MMP24OS: variants seen among roughly 807,000 people sequenced by gnomAD.
MMP24OS encodes the protein MMP24 opposite strand.
chr20:35,277,793 G>GGCTGGA lies in MMP24OS; in HGVS notation c.136_137insTCCAGC (p.Gln45_Pro46insLeuGln), dbSNP rs2060724986. On this transcript the variant is annotated inframe_insertion, in exon 2 of 2. Coordinates refer to ENST00000456790, the MANE Select transcript of MMP24OS (RefSeq NM_001355003.2). ...CGGGCTGGGCTCGGGCTGGGGCTGG[G>GGCTGGA]GCTGGGGCTGGGGCTGGGGCTGGGG... The GGCTGGA allele has an allele frequency of 2.5e-6, 1 of 394,030 alleles. No individual in the cohort carries two copies. The highest frequency in any genetic ancestry group is 4.5e-6 in the Non-Finnish European group (1 of 223,412). 24.4% of individuals were successfully genotyped at this position (394,030 alleles called of 1,614,324 possible).
In MMP24OS at chr20:35,276,681, A is replaced by G. The variant is rs7280; in HGVS notation, c.*1033T>C. The G allele has an allele frequency of 0.55, 90,216 of 165,042 alleles. 28,032 individuals are homozygous for G. The highest frequency in any genetic ancestry group is 0.87 in the African/African-American group (36,683 of 42,152). 10.2% of individuals were successfully genotyped at this position (165,042 alleles called of 1,614,324 possible). A position where few individuals can be genotyped will look rare whatever the true frequency, so the allele number is the denominator to read the frequency against. On this transcript the variant is annotated 3_prime_UTR_variant, in exon 2 of 2. Coordinates refer to ENST00000456790, the MANE Select transcript of MMP24OS (RefSeq NM_001355003.2). ...ACCCCCGCCTCCCGCCAGGCTCCCCATTGGCTCCTGGCAGGCCAGCTGAGA... is the reference window on the plus strand; with the variant it reads ...ACCCCCGCCTCCCGCCAGGCTCCCCGTTGGCTCCTGGCAGGCCAGCTGAGA...
chr20:35,277,355 A>G lies in MMP24OS; in HGVS notation c.*359T>C. ...CAATACAGATATTAATAAAAGGCAGACGAAGTCAGGAGGTCAGCAACTTTG... is the reference window on the plus strand; with the variant it reads ...CAATACAGATATTAATAAAAGGCAGGCGAAGTCAGGAGGTCAGCAACTTTG... On this transcript the variant is annotated 3_prime_UTR_variant, in exon 2 of 2. Transcript: ENST00000456790. The G allele has an allele frequency of 7.7e-6, 2 of 258,874 alleles. No homozygotes were observed. The highest frequency in any genetic ancestry group is 1.5e-5 in the Non-Finnish European group (2 of 137,136). 16.0% of individuals were successfully genotyped at this position (258,874 alleles called of 1,614,324 possible).
chr20:35,278,054 C>T lies in MMP24OS; in HGVS notation c.-49G>A. On this transcript the variant is annotated 5_prime_UTR_variant, in exon 1 of 2. Transcript: ENST00000456790. ...GGTCTCCCGGAACCCACCTCGGCGT[C>T]GGGAGGAGCTGGCGCCGTGACGCCA... The T allele has an allele frequency of 2.6e-6, 1 of 388,278 alleles. No homozygotes were observed. The highest frequency in any genetic ancestry group is 4.6e-6 in the Non-Finnish European group (1 of 219,680). The allele number at this position is 388,278 out of a possible 1,614,324, so 24.1% of individuals were successfully genotyped here. A position where few individuals can be genotyped will look rare whatever the true frequency, so the allele number is the denominator to read the frequency against.
chr20:35,277,655 G>A lies in MMP24OS; in HGVS notation c.*59C>T, dbSNP rs975371308. On this transcript the variant is annotated 3_prime_UTR_variant, in exon 2 of 2. Transcript: ENST00000456790. ...GCAGGGACGTGGGGAGAGGAGACAA[G>A]GCAGGCAAGAACCACAGGGGACGGC... is the stretch of plus-strand genomic sequence containing the variant. 2.5e-6 allele frequency: 1 copy of A among 395,890 alleles called. No individual in the cohort carries two copies. Among genetic ancestry groups the A allele is most frequent in the African/African-American group, 2.1e-5 (1 of 48,516 alleles). The allele number at this position is 395,890 out of a possible 1,614,324, so 24.5% of individuals were successfully genotyped here.
In MMP24OS at chr20:35,277,849, C is replaced by A; in HGVS notation, c.81G>T (p.Ala27=). Residue 27 remains alanine (A), a synonymous_variant, in exon 2 of 2, where the codon GCG becomes GCT. Transcript: ENST00000456790. The stretch of plus-strand genomic sequence containing the variant: ...GCCGGGGCTGTTCCGGGCCCTCCGG[C>A]GCCGCAGGCTGGGGCTGGGGCTGGG... ...TQPQPQPQPA[A]PEGPEQPRHP... The A allele has an allele frequency of 2.6e-6, 1 of 389,418 alleles. No homozygotes were observed. The highest frequency in any genetic ancestry group is 6.4e-4 in the Middle Eastern group (1 of 1,560). The allele number at this position is 389,418 out of a possible 1,614,324, so 24.1% of individuals were successfully genotyped here.
Position 35,278,060 on chromosome 20 carries a change from G to A in MMP24OS, c.-55C>T. On this transcript the variant is annotated 5_prime_UTR_variant, in exon 1 of 2. Transcript: ENST00000456790. ...CCGGAACCCACCTCGGCGTCGGGAG[G>A]AGCTGGCGCCGTGACGCCACCACCG... is the stretch of plus-strand genomic sequence containing the variant. The A allele has an allele frequency of 5.1e-6, 2 of 388,966 alleles. No homozygotes were observed. The highest frequency in any genetic ancestry group is 9.1e-6 in the Non-Finnish European group (2 of 220,206). The allele number at this position is 388,966 out of a possible 1,614,324, so 24.1% of individuals were successfully genotyped here.
Position 35,277,879 on chromosome 20 carries a change from G to GGGCTGT in MMP24OS, c.50_51insACAGCC (p.Gln24_Pro25dup), listed in dbSNP as rs2060727144. The GGGCTGT allele has an allele frequency of 2.5e-6, 1 of 399,014 alleles. No individual in the cohort carries two copies. 24.7% of individuals were successfully genotyped at this position (399,014 alleles called of 1,614,324 possible). A position where few individuals can be genotyped will look rare whatever the true frequency, so the allele number is the denominator to read the frequency against. On this transcript the variant is annotated inframe_insertion, in exon 2 of 2. Coordinates refer to ENST00000456790, the MANE Select transcript of MMP24OS (RefSeq NM_001355003.2). ...CAGGCTGGGGCTGGGGCTGGGGCTG[G>GGGCTGT]GTTTGCGCAGGCTCCGGGGCGCCGC...
chr20:35,277,677 C>T lies in MMP24OS; in HGVS notation c.*37G>A, dbSNP rs1381193692. 1.5e-5 allele frequency: 6 copies of T among 391,584 alleles called. No homozygotes were observed. Among genetic ancestry groups the T allele is most frequent in the Non-Finnish European group, 2.7e-5 (6 of 221,596 alleles). 24.3% of individuals were successfully genotyped at this position (391,584 alleles called of 1,614,324 possible). On this transcript the variant is annotated 3_prime_UTR_variant, in exon 2 of 2. Coordinates refer to ENST00000456790, the MANE Select transcript of MMP24OS (RefSeq NM_001355003.2). ...CAAGGCAGGCAAGAACCACAGGGGA[C>T]GGCGGACAGACGGGCGACATCCTGC...
At position 35,276,531 on chromosome 20, in the gene MMP24OS, C is replaced by T; in HGVS notation, c.*1183G>A. The T allele has an allele frequency of 2.6e-6, 1 of 381,328 alleles. No homozygotes were observed. Among genetic ancestry groups the T allele is most frequent in the Middle Eastern group, 6.6e-4 (1 of 1,518 alleles). The allele number at this position is 381,328 out of a possible 1,614,324, so 23.6% of individuals were successfully genotyped here. A position where few individuals can be genotyped will look rare whatever the true frequency, so the allele number is the denominator to read the frequency against. On this transcript the variant is annotated 3_prime_UTR_variant, in exon 2 of 2. Coordinates refer to ENST00000456790, the MANE Select transcript of MMP24OS (RefSeq NM_001355003.2). ...GTCTTGTGTCCCCATCTGTGGACCC[C>T]TCTAGGGTCTGAGATGAGATGAGAA...
Position 35,277,635 on chromosome 20 carries a change from G to C in MMP24OS, c.*79C>G. On this transcript the variant is annotated 3_prime_UTR_variant, in exon 2 of 2. Coordinates refer to ENST00000456790, the MANE Select transcript of MMP24OS (RefSeq NM_001355003.2). ...TGGGAGGGGGTGTAAGAGACGCAGG[G>C]ACGTGGGGAGAGGAGACAAGGCAGG... is the stretch of plus-strand genomic sequence containing the variant. 2.5e-6 allele frequency: 1 copy of C among 394,200 alleles called. No homozygotes were observed. The highest frequency in any genetic ancestry group is 4.5e-6 in the Non-Finnish European group (1 of 223,086). The allele number at this position is 394,200 out of a possible 1,614,324, so 24.4% of individuals were successfully genotyped here.
In MMP24OS at chr20:35,277,948, C is replaced by G. The variant is rs1408327616; in HGVS notation, c.-3-16G>C. 1 of 392,854 alleles carries G rather than the reference C, an allele frequency of 2.5e-6. No individual in the cohort carries two copies. The highest frequency in any genetic ancestry group is 3.6e-5 in the East Asian group (1 of 27,962). The allele number at this position is 392,854 out of a possible 1,614,324, so 24.3% of individuals were successfully genotyped here. Reference sequence around the variant, plus strand: ...CCCCCATGGTCTGCAAGAAGAGAAGCCCTTTAAGGTCTGGGTCGCCGGGAC... The same window carrying G: ...CCCCCATGGTCTGCAAGAAGAGAAGGCCTTTAAGGTCTGGGTCGCCGGGAC... On this transcript the variant is annotated splice_polypyrimidine_tract_variant and intron_variant, in intron 1 of 1. Transcript: ENST00000456790.
In MMP24OS at chr20:35,276,892, C is replaced by A. The variant is rs2060712111; in HGVS notation, c.*822G>T. ...CTGGGGGCCCCAGAGCCTAGCTTCC[C>A]CTCAGCCTGGGGGACATCACAGCAT... On this transcript the variant is annotated 3_prime_UTR_variant, in exon 2 of 2. Coordinates refer to ENST00000456790, the MANE Select transcript of MMP24OS (RefSeq NM_001355003.2). The A allele has an allele frequency of 6.5e-6, 1 of 152,844 alleles. No homozygotes were observed. The highest frequency in any genetic ancestry group is 2.4e-5 in the African/African-American group (1 of 41,480). 9.5% of individuals were successfully genotyped at this position (152,844 alleles called of 1,614,324 possible). A position where few individuals can be genotyped will look rare whatever the true frequency, so the allele number is the denominator to read the frequency against.
rs2060724530 is a variant in MMP24OS at position 35,277,784 on chromosome 20, T to TCGGGCTGGGGCA, written c.145_146insTGCCCCAGCCCG (p.Gln49delinsLeuProGlnProGlu). On this transcript the variant is annotated protein_altering_variant, in exon 2 of 2. Transcript: ENST00000456790. ...CGGCCCCCACGGGCTGGGCTCGGGC[T>TCGGGCTGGGGCA]GGGGCTGGGGCTGGGGCTGGGGCTG... is the stretch of plus-strand genomic sequence containing the variant. 1 of 90,110 alleles carries TCGGGCTGGGGCA rather than the reference T, an allele frequency of 1.1e-5. No individual in the cohort carries two copies. 5.6% of individuals were successfully genotyped at this position (90,110 alleles called of 1,614,324 possible).
At position 35,277,533 on chromosome 20, in the gene MMP24OS, A is replaced by T; in HGVS notation, c.*181T>A. 1 of 388,424 alleles carries T rather than the reference A, an allele frequency of 2.6e-6. No homozygotes were observed. The highest frequency in any genetic ancestry group is 4.5e-6 in the Non-Finnish European group (1 of 220,072). 24.1% of individuals were successfully genotyped at this position (388,424 alleles called of 1,614,324 possible). A position where few individuals can be genotyped will look rare whatever the true frequency, so the allele number is the denominator to read the frequency against. On this transcript the variant is annotated 3_prime_UTR_variant, in exon 2 of 2. Coordinates refer to ENST00000456790, the MANE Select transcript of MMP24OS (RefSeq NM_001355003.2). ...GAAGCAGGCTGGGGTGTAGACTGCG[A>T]AGGCGGCCCTGCCGGGACTTCTTTC... is the stretch of plus-strand genomic sequence containing the variant.
At position 35,276,374 on chromosome 20, in the gene MMP24OS, T is replaced by G. The variant is rs930332358; in HGVS notation, c.*1340A>C. ...GTGTTTTATACTTTGCAAAGCACTT[T>G]ATTAGCTCACACCTGTCCACTCACA... On this transcript the variant is annotated 3_prime_UTR_variant, in exon 2 of 2. Coordinates refer to ENST00000456790, the MANE Select transcript of MMP24OS (RefSeq NM_001355003.2). 1 of 398,874 alleles carries G rather than the reference T, an allele frequency of 2.5e-6. No individual in the cohort carries two copies. The highest frequency in any genetic ancestry group is 4.4e-6 in the Non-Finnish European group (1 of 226,050). 24.7% of individuals were successfully genotyped at this position (398,874 alleles called of 1,614,324 possible).
chr20:35,276,651 T>C lies in MMP24OS; in HGVS notation c.*1063A>G, dbSNP rs557662709. 1.8e-3 allele frequency: 342 copies of C among 189,052 alleles called. 2 individuals carry two copies. Among genetic ancestry groups the C allele is most frequent in the African/African-American group, 7.7e-3 (332 of 43,128 alleles). The allele number at this position is 189,052 out of a possible 1,614,324, so 11.7% of individuals were successfully genotyped here. On this transcript the variant is annotated 3_prime_UTR_variant, in exon 2 of 2. Transcript: ENST00000456790. ...TGGTGCTCTCACTTCTTGAAAGCTC[T>C]AGGCACCCCCGCCTCCCGCCAGGCT... is the stretch of plus-strand genomic sequence containing the variant.
chr20:35,276,608 C>A lies in MMP24OS; in HGVS notation c.*1106G>T. The A allele has an allele frequency of 4.0e-6, 1 of 248,832 alleles. No homozygotes were observed. Among genetic ancestry groups the A allele is most frequent in the Non-Finnish European group, 7.6e-6 (1 of 130,758 alleles). The allele number at this position is 248,832 out of a possible 1,614,324, so 15.4% of individuals were successfully genotyped here. Reference sequence around the variant, plus strand: ...GCCTCCCTTCCCCCACTTCCTGGTCCCTGTCCACTCCTCAGGTTGGTGCTC... The same window carrying A: ...GCCTCCCTTCCCCCACTTCCTGGTCACTGTCCACTCCTCAGGTTGGTGCTC... On this transcript the variant is annotated 3_prime_UTR_variant, in exon 2 of 2. Transcript: ENST00000456790.
rs1019380490 is a variant in MMP24OS at position 35,278,118 on chromosome 20, G to C, written c.-113C>G. The C allele has an allele frequency of 7.8e-6, 3 of 385,972 alleles. No homozygotes were observed. Among genetic ancestry groups the C allele is most frequent in the Non-Finnish European group, 1.4e-5 (3 of 218,500 alleles). 23.9% of individuals were successfully genotyped at this position (385,972 alleles called of 1,614,324 possible). On this transcript the variant is annotated 5_prime_UTR_variant, in exon 1 of 2. Coordinates refer to ENST00000456790, the MANE Select transcript of MMP24OS (RefSeq NM_001355003.2). Reference sequence around the variant, plus strand: ...ACCTCACCCTCCGTGCGTTGGAGCGGAAAGAAGGGACTCGACCCTGTGCTT... The same window carrying C: ...ACCTCACCCTCCGTGCGTTGGAGCGCAAAGAAGGGACTCGACCCTGTGCTT...
In MMP24OS at chr20:35,277,535, G is replaced by A. The variant is rs2060719553; in HGVS notation, c.*179C>T. 2 of 388,980 alleles carry A rather than the reference G, an allele frequency of 5.1e-6. No homozygotes were observed. Among genetic ancestry groups the A allele is most frequent in the South Asian group, 1.4e-4 (1 of 6,948 alleles). The allele number at this position is 388,980 out of a possible 1,614,324, so 24.1% of individuals were successfully genotyped here. A position where few individuals can be genotyped will look rare whatever the true frequency, so the allele number is the denominator to read the frequency against. ...AGCAGGCTGGGGTGTAGACTGCGAAGGCGGCCCTGCCGGGACTTCTTTCCA... is the reference window on the plus strand; with the variant it reads ...AGCAGGCTGGGGTGTAGACTGCGAAAGCGGCCCTGCCGGGACTTCTTTCCA... On this transcript the variant is annotated 3_prime_UTR_variant, in exon 2 of 2. Coordinates refer to ENST00000456790, the MANE Select transcript of MMP24OS (RefSeq NM_001355003.2).
Sources: allele counts gnomAD v4.1 joint callset, GRCh38; gene constraint gnomAD v4.1.1; transcripts MANE v1.5; gene names NCBI Gene and HGNC (gene_info 2026-07-23, HGNC 2026-07-21).